The following MYH16 variants were observed in gnomAD, a reference collection of about 807,000 sequenced individuals.
MYH16 encodes the protein myosin heavy chain 16, also known as putative uncharacterized protein MYH16.
At chr7:99,251,730 G>A (rs1020340362) in intron 6 of MYH16, among the ~76,000 whole-genome samples, 1 of 152,188 alleles carries the variant, frequency 6.6e-6, no homozygotes, top group African/African-American at 2.4e-5. Context: ...AGCACTTTGG[G>A]AAGCCAAGGC....
chr7:99,277,879 G>T (rs1163607989), intron 21 of MYH16, among the ~76,000 whole-genome samples, 167 bp downstream of exon 3: 1 of 60,530 alleles, frequency 1.7e-5, no homozygotes, highest in Non-Finnish European at 2.9e-5. Flanking sequence ...CATCCAATTC[G>T]TGTGTGTGTG....
chr7:99,307,736 T>G (rs1792702074), downstream of MYH16, among the ~76,000 whole-genome samples: 1 of 151,822 alleles, frequency 6.6e-6, no homozygotes, highest in South Asian at 2.1e-4. Flanking sequence ...AAAATACTAG[T>G]TTTATTTATT....
chr7:99,296,148 TAAAAA>T (rs60180969), intron 33 of MYH16, among the ~76,000 whole-genome samples: 3 of 91,396 alleles, frequency 3.3e-5, no homozygotes, highest in Admixed American at 1.2e-4. Flanking sequence ...CATCTCAATT[TAAAAA>T]AAAAAAAAAA....
intron 39 of MYH16, among the ~76,000 whole-genome samples, 168 bp downstream of exon 20, chr7:99,303,358 T>G (rs958648705): frequency 6.6e-6 from 1 of 152,350 alleles, no homozygotes; most frequent in South Asian, 2.1e-4. Flanking sequence ...CCAAGGCTTT[T>G]CTAAAAAAGC....
Position 99,253,694 on chromosome 7 carries a change from G to C in MYH16, n.794-33G>C, listed in dbSNP as rs191000924. The C allele has an allele frequency of 7.8e-3, 1,204 of 154,278 alleles. 16 individuals carry two copies. The highest frequency in any genetic ancestry group is 0.011 in the Non-Finnish European group (727 of 68,628). The allele number at this position is 154,278 out of a possible 1,614,324, so 9.6% of individuals were successfully genotyped here. A position where few individuals can be genotyped will look rare whatever the true frequency, so the allele number is the denominator to read the frequency against. On this transcript the variant is annotated intron_variant and non_coding_transcript_variant, in intron 7 of 41. Coordinates refer to ENST00000439784, the Ensembl canonical transcript of MYH16. Reference sequence around the variant, plus strand: ...AGCCCTGAACTCCAGGGAAACAGCTGTGTACTCACCAGGATCTTCACTTCT... The same window carrying C: ...AGCCCTGAACTCCAGGGAAACAGCTCTGTACTCACCAGGATCTTCACTTCT...
rs187768869 is a variant in MYH16 at position 99,277,816 on chromosome 7, G to A, written n.2659+104G>A. On this transcript the variant is annotated intron_variant and non_coding_transcript_variant, in intron 21 of 41. Transcript: ENST00000439784. ...AAAAACCCATGTCCCTCCAGACCAC[G>A]GGAAATTCTCCAGCATACAAAGTCA... The A allele has an allele frequency of 4.4e-5, 16 of 362,696 alleles. No individual in the cohort carries two copies. In the Admixed American group the frequency reaches 5.5e-4, roughly 12 times the overall value. 22.5% of individuals were successfully genotyped at this position (362,696 alleles called of 1,614,324 possible). A position where few individuals can be genotyped will look rare whatever the true frequency, so the allele number is the denominator to read the frequency against.
intron 19 of MYH16, among the ~76,000 whole-genome samples, chr7:99,271,735 T>C (rs1177010994): frequency 6.6e-6 from 1 of 152,224 alleles, no homozygotes; most frequent in Non-Finnish European, 1.5e-5. Context: ...GGTCTTGCTC[T>C]GTAGCCCAGG....
intron 2 of MYH16, among the ~76,000 whole-genome samples, chr7:99,245,834 CT>C (rs577345668): frequency 6.6e-6 from 1 of 151,784 alleles, no homozygotes; most frequent in Non-Finnish European, 1.5e-5. Flanking sequence ...CCTTTCTGTT[CT>C]TTTTTTTAAA....
At chr7:99,240,212 G>C (rs985660407) in intron 1 of MYH16, among the ~76,000 whole-genome samples, 1 of 151,938 alleles carries the variant, frequency 6.6e-6, no homozygotes, top group African/African-American at 2.4e-5. Context: ...GAGGATCAAG[G>C]GCACTTTAGG....
chr7:99,250,751 G>A (rs369916641), intron 5 of MYH16, among the ~76,000 whole-genome samples: 3 of 152,046 alleles, frequency 2.0e-5, no homozygotes. Context: ...AAAAAGGGGT[G>A]GGGGGATGTG....
At position 99,242,444 on chromosome 7, in the gene MYH16, T is replaced by C. The variant is rs569630870; in HGVS notation, n.211-834T>C. ...GAAGGCCAAGAGTTCAAGACCAGCA[T>C]AGGCAACATAGCAAGACCTTGTCTC... On this transcript the variant is annotated intron_variant and non_coding_transcript_variant, in intron 1 of 41. Transcript: ENST00000439784. 3.3e-5 allele frequency among the ~76,000 whole-genome samples: 5 copies of C among 151,894 alleles called. No individual in the cohort carries two copies. In the East Asian group the frequency reaches 7.8e-4, roughly 24 times the overall value.
At chr7:99,257,085 C>A (rs2150809843) in intron 9 of MYH16, among the ~76,000 whole-genome samples, 1 of 152,296 alleles carries the variant, frequency 6.6e-6, no homozygotes, top group South Asian at 2.1e-4. Flanking sequence ...GAAACAGAAG[C>A]CAGAGAGGTT....
At chr7:99,257,272 T>A (rs1584343200) in intron 9 of MYH16, 1 of 152,826 alleles carries the variant, frequency 6.5e-6, no homozygotes, top group African/African-American at 2.4e-5. Flanking sequence ...AGGCCAGGAG[T>A]CACATGACTT....
At chr7:99,284,333 G>A (rs866866910) in intron 25 of MYH16, among the ~76,000 whole-genome samples, 1 of 152,174 alleles carries the variant, frequency 6.6e-6, no homozygotes, top group African/African-American at 2.4e-5. Context: ...GCTCACACCT[G>A]TAATCCCAGC....
At chr7:99,260,179 C>A in exon 12 of MYH16, 1 of 1,608,734 alleles carries the variant, frequency 6.2e-7, no homozygotes. Flanking sequence ...CAGCTTTGAG[C>A]AGCTATGCAT....
rs529776712 is a variant in MYH16 at position 99,294,602 on chromosome 7, G to A, written n.4282+452G>A. ...TTTTTTGAGATGGAATTTGGCTCTT[G>A]TTGCCCAGGCTGGAGTACAGTGGCG... On this transcript the variant is annotated intron_variant and non_coding_transcript_variant, in intron 33 of 41. Coordinates refer to ENST00000439784, the Ensembl canonical transcript of MYH16. 9.6e-5 allele frequency among the ~76,000 whole-genome samples: 14 copies of A among 145,714 alleles called. No individual in the cohort carries two copies. In the Admixed American group the frequency reaches 9.8e-4, roughly 10 times the overall value.
chr7:99,273,275 C>T (rs1792069699), intron 19 of MYH16, 67 bp from the exon 2 acceptor site: 1 of 454,130 alleles, frequency 2.2e-6, no homozygotes, highest in Non-Finnish European at 4.4e-6. Context: ...GGCCCCACCC[C>T]TTCCCCAGGG....
chr7:99,249,553 A>G (rs908425457), intron 4 of MYH16, among the ~76,000 whole-genome samples: 75 of 150,518 alleles, frequency 5.0e-4, no homozygotes, highest in Non-Finnish European at 8.4e-4. Flanking sequence ...AAAAAAAAAA[A>G]AAAGAAAAGA....
chr7:99,309,877 C>T (rs1330061766), downstream of MYH16, among the ~76,000 whole-genome samples: 1 of 152,058 alleles, frequency 6.6e-6, no homozygotes. Context: ...ATTTAATAAG[C>T]CAGGCATGAT....
Sources: allele counts gnomAD v4.1 joint callset (sites outside exome capture counted in the v4.1 genomes callset), GRCh38; gene constraint gnomAD v4.1.1; transcripts MANE v1.5; gene names NCBI Gene and HGNC (gene_info 2026-07-23, HGNC 2026-07-21).